The following ABCC3 variants were observed in gnomAD, a reference collection of about 807,000 sequenced individuals.
ABCC3 encodes ATP binding cassette subfamily C member 3, also known as ATP-binding cassette sub-family C member 3.
A neutral mutation model predicts 165.3 loss-of-function variants in ABCC3; 121 were observed. The observed-to-expected ratio is 0.73, with a 90% CI of 0.63 to 0.85. The LOEUF (loss-of-function observed/expected upper bound fraction) is 0.85, where lower values mean the gene tolerates loss of function less well. ABCC3 is among the 40% of genes least tolerant of loss of function. The pLI is 0.00. For synonymous variants in ABCC3, 733 were observed against 810.1 expected, an observed-to-expected ratio of 0.90 and a Z score of 1.62; for missense variants, 1,869 against 1,964.1, an observed-to-expected ratio of 0.95 and a Z score of 0.92.
chr17:50,659,313 ATGG>A lies in ABCC3; in HGVS notation c.757_759del (p.Val253del). The A allele has an allele frequency of 6.2e-7, 1 of 1,613,540 alleles. No individual in the cohort carries two copies. Among genetic ancestry groups the A allele is most frequent in the Non-Finnish European group, 8.5e-7 (1 of 1,179,578 alleles). On this transcript the variant is annotated inframe_deletion, in exon 7 of 31. Transcript: ENST00000285238. ...CCTAAAGGAAGAGGACAGATCCCAG[ATGG>A]TGGTGCAGCAGCTGCTGGAGGCATG... is the stretch of plus-strand genomic sequence containing the variant.
chr17:50,690,738 A>G (rs1463894755), intron 30 of ABCC3, among the ~76,000 whole-genome samples: 1 of 152,224 alleles, frequency 6.6e-6, no homozygotes, highest in Non-Finnish European at 1.5e-5. Context: ...GCCGACACAA[A>G]GCAGATGGAT....
intron 1 of ABCC3, among the ~76,000 whole-genome samples, chr17:50,643,839 G>A (rs1199295232): frequency 1.3e-5 from 2 of 150,092 alleles, no homozygotes; most frequent in Non-Finnish European, 2.9e-5. Flanking sequence ...GGTGGGAGGA[G>A]ATGCCATGGG....
chr17:50,688,432 A>C (rs958817142), intron 30 of ABCC3: 1 of 152,306 alleles, frequency 6.6e-6, no homozygotes, highest in African/African-American at 2.4e-5. Flanking sequence ...ACAGATGAAG[A>C]AGCAACTCAA....
chr17:50,667,942 T>C lies in ABCC3; in HGVS notation c.1715T>C (p.Val572Ala). The C allele has an allele frequency of 6.2e-7, 1 of 1,614,196 alleles. No individual in the cohort carries two copies. Among genetic ancestry groups the C allele is most frequent in the Non-Finnish European group, 8.5e-7 (1 of 1,180,028 alleles). ...GACGCCGAGAAGGCCTTTGTGTCTG[T>C]GTCCTTGTTTAATATCTTAAGACTT... ...VLDAEKAFVSVSLFNILRLPL... is the reference protein window; with the variant it reads ...VLDAEKAFVSASLFNILRLPL... Residue 572 changes from valine (V) to alanine (A), a missense_variant, in exon 13 of 31, where the codon GTG becomes GCG. Transcript: ENST00000285238.
chr17:50,648,578 C>T lies in ABCC3; in HGVS notation c.46-7254C>T, dbSNP rs1487661000. ...CTTCCAGTTGTTGGGGGAGTCTTCC[C>T]TAAAGGACCAGGTTCCTACTTGATC... On this transcript the variant is annotated intron_variant, in intron 1 of 30. Coordinates refer to ENST00000285238, the MANE Select transcript of ABCC3 (RefSeq NM_003786.4). 2.6e-5 allele frequency among the ~76,000 whole-genome samples: 4 copies of T among 152,148 alleles called. No individual in the cohort carries two copies. In the East Asian group the frequency reaches 7.7e-4, roughly 29 times the overall value.
Position 50,669,142 on chromosome 17 carries a change from T to C in ABCC3, c.1940T>C (p.Leu647Pro). Residue 647 changes from leucine (L) to proline (P), a missense_variant and splice_region_variant, in exon 16 of 31, where the codon CTA becomes CCA. Transcript: ENST00000285238. Reference sequence around the variant, plus strand: ...ACTCCTGGGGTCCTTGCCCCCAGCCTAGACATCCAGGTCCCGAAAGGGGCA... The same window carrying C: ...ACTCCTGGGGTCCTTGCCCCCAGCCCAGACATCCAGGTCCCGAAAGGGGCA... ...AQDLPPTLHS[L>P]DIQVPKGALV... is the part of the protein sequence containing the mutation. 1 of 1,597,478 alleles carries C rather than the reference T, an allele frequency of 6.3e-7. No homozygotes were observed.
rs747583455 is a variant in ABCC3, at chr17:50,676,556, C to T, written c.3346C>T (p.Leu1116=). The T allele has an allele frequency of 3.1e-6, 5 of 1,611,832 alleles. No homozygotes were observed. The highest frequency in any genetic ancestry group is 4.2e-6 in the Non-Finnish European group (5 of 1,178,870). The stretch of plus-strand genomic sequence containing the variant: ...CACGCCGCTCTTCACTGTGGTCATC[C>T]TGCCCCTGGCTGTGCTCTACACCTT... ...ASTPLFTVVI[L]PLAVLYTLVQ... is the part of the protein sequence containing the mutation. Residue 1116 remains leucine, a synonymous_variant, in exon 23 of 31, where the codon CTG becomes TTG. Transcript: ENST00000285238.
chr17:50,644,582 T>A (rs1278242465), intron 1 of ABCC3, among the ~76,000 whole-genome samples: 1 of 151,770 alleles, frequency 6.6e-6, no homozygotes. Context: ...TGTGGTGGTG[T>A]GCACCTGTGG....
At chr17:50,673,765 T>G in intron 19 of ABCC3, 107 bp downstream of exon 19, 1 of 1,139,030 alleles carries the variant, frequency 8.8e-7, no homozygotes, top group Non-Finnish European at 1.2e-6. Context: ...AGGCAGGTTC[T>G]GGGAAACTTG....
At chr17:50,642,095 G>A (rs1966903544) in intron 1 of ABCC3, among the ~76,000 whole-genome samples, 1 of 152,220 alleles carries the variant, frequency 6.6e-6, no homozygotes, top group Non-Finnish European at 1.5e-5. Context: ...CCGGATGTGG[G>A]ATGTGAGAGA....
chr17:50,664,432 C>T (rs926274193), intron 10 of ABCC3: 22 of 326,378 alleles, frequency 6.7e-5, no homozygotes, highest in Non-Finnish European at 1.1e-4. Context: ...TGGCTGGGCA[C>T]GGTGGCTCAC....
At chr17:50,657,007 T>A in intron 3 of ABCC3, 39 bp from the exon 4 acceptor site, 1 of 1,601,768 alleles carries the variant, frequency 6.2e-7, no homozygotes, top group Admixed American at 1.7e-5. Context: ...GGTCCAGATG[T>A]GTGTGTTCTG....
chr17:50,680,270 G>C (rs1967905216), intron 26 of ABCC3, among the ~76,000 whole-genome samples: 2 of 152,224 alleles, frequency 1.3e-5, no homozygotes, highest in African/African-American at 4.8e-5. Context: ...GGCTTTGATA[G>C]ACTAAGTAAG....
chr17:50,636,899 G>A (rs1402094215), intron 1 of ABCC3, among the ~76,000 whole-genome samples: 3 of 151,136 alleles, frequency 2.0e-5, no homozygotes, highest in East Asian at 3.9e-4. Flanking sequence ...TGGGGAAACT[G>A]AGGCCAAGGG....
At position 50,667,920 on chromosome 17, in the gene ABCC3, G is replaced by T; in HGVS notation, c.1693G>T (p.Ala565Ser). ...CGTGGACCCAAACAATGTGCTGGAC[G>T]CCGAGAAGGCCTTTGTGTCTGTGTC... The part of the protein sequence containing the change: ...VYVDPNNVLD[A>S]EKAFVSVSLF... Residue 565 changes from alanine to serine, a missense_variant, in exon 13 of 31, where the codon GCC (alanine) becomes TCC (serine). Transcript: ENST00000285238. 6.2e-7 allele frequency: 1 copy of T among 1,614,174 alleles called. No homozygotes were observed.
At position 50,655,413 on chromosome 17, in the gene ABCC3, AAAAAAAAACAAAAAC is replaced by A. The variant is rs1174272048; in HGVS notation, c.46-410_46-396del. Among the ~76,000 whole-genome samples, 8 of 149,452 alleles carry A rather than the reference AAAAAAAAACAAAAAC, an allele frequency of 5.4e-5. No individual in the cohort carries two copies. The East Asian group carries it at 7.8e-4, about 15-fold the overall frequency. On this transcript the variant is annotated intron_variant, in intron 1 of 30. Coordinates refer to ENST00000285238, the MANE Select transcript of ABCC3 (RefSeq NM_003786.4). ...GAGTGAGACTCTGTCTCAAAAAAAA[AAAAAAAAACAAAAAC>A]AAAAAAAAAAGAGTGGGAATCCAGA...
At chr17:50,672,678 A>T (rs540024967) in intron 17 of ABCC3, among the ~76,000 whole-genome samples, 14 of 152,284 alleles carry the variant, frequency 9.2e-5, no homozygotes, top group African/African-American at 3.4e-4. Flanking sequence ...CAGGCTGGGC[A>T]ACATATGGAG....
At chr17:50,658,582 G>C in intron 6 of ABCC3, 86 bp downstream of exon 6, 1 of 1,466,128 alleles carries the variant, frequency 6.8e-7, no homozygotes. Flanking sequence ...CAGCAGTTTA[G>C]GGACCGGGCT....
At chr17:50,647,925 G>C (rs1967033992) in intron 1 of ABCC3, among the ~76,000 whole-genome samples, 1 of 152,096 alleles carries the variant, frequency 6.6e-6, no homozygotes, top group Non-Finnish European at 1.5e-5. Flanking sequence ...TGTAATCCCA[G>C]CTACTCGGGA....
Sources: allele counts gnomAD v4.1 joint callset (sites outside exome capture counted in the v4.1 genomes callset), GRCh38; gene constraint gnomAD v4.1.1; transcripts MANE v1.5; gene names NCBI Gene and HGNC (gene_info 2026-07-23, HGNC 2026-07-21).